Variants in ZFR2 observed in about 807,000 individuals in gnomAD.
ZFR2 encodes the protein zinc finger RNA binding protein 2.
ZFR2 carries 104 observed loss-of-function variants against 105.7 expected under a neutral mutation model. That is an observed-to-expected ratio of 0.98 (90% CI 0.84 to 1.16). ZFR2 has a LOEUF of 1.16. Ranked by LOEUF, ZFR2 falls within the 50% of genes most tolerant of loss-of-function variation. The probability of loss-of-function intolerance (pLI) is 0.00; values close to 1 mark genes in which losing one functional copy is unlikely to be tolerated. For missense variants in ZFR2, 1,425 were observed against 1,355.5 expected (o/e 1.05, Z -0.80); for synonymous variants, 634 against 597.7 (o/e 1.06, Z -0.89).
intron 1 of ZFR2, among the ~76,000 whole-genome samples, chr19:3,835,413 C>T (rs1214324899): frequency 1.3e-5 from 2 of 151,938 alleles, no homozygotes; most frequent in Non-Finnish European, 2.9e-5. Flanking sequence ...GCAACCTCCG[C>T]CTCCCAGGTT....
At chr19:3,807,748 G>GTC in intron 17 of ZFR2, among the ~76,000 whole-genome samples, 2 of 150,722 alleles carry the variant, frequency 1.3e-5, no homozygotes, top group African/African-American at 4.9e-5. Flanking sequence ...ATGTGTGCCT[G>GTC]TGCATGCATG....
rs139773278 is a variant in ZFR2 at position 3,837,641 on chromosome 19, G to A, written c.54-2658C>T. ...GAACTTGATGAACACCATGACTATG[G>A]GACACCCGATGAACACCATGACCGT... On this transcript the variant is annotated intron_variant, in intron 1 of 18. Transcript: ENST00000262961. 6.3e-5 allele frequency among the ~76,000 whole-genome samples: 9 copies of A among 141,950 alleles called. No individual in the cohort carries two copies. In the South Asian group the frequency reaches 1.1e-3, roughly 18 times the overall value. 93.1% of individuals were successfully genotyped at this position (141,950 alleles called of 152,430 possible). A position where few individuals can be genotyped will look rare whatever the true frequency, so the allele number is the denominator to read the frequency against.
chr19:3,841,577 C>T (rs185739759), intron 1 of ZFR2, among the ~76,000 whole-genome samples: 12 of 151,982 alleles, frequency 7.9e-5, no homozygotes, highest in African/African-American at 2.9e-4. Context: ...CCCAGCTACT[C>T]GGGAGGCTGA....
chr19:3,840,899 T>C (rs1459309149), intron 1 of ZFR2, among the ~76,000 whole-genome samples: 1 of 152,166 alleles, frequency 6.6e-6, no homozygotes, highest in African/African-American at 2.4e-5. Flanking sequence ...TCAGTTAATT[T>C]AGATTTTGAT....
Position 3,834,912 on chromosome 19 carries a change from T to C in ZFR2, c.125A>G (p.Asp42Gly), listed in dbSNP as rs919798018. ...GGGAAAGGCCGGGTTCACGGCAGGG[T>C]CCATCCCAGGAGTGGGTTGTGCAGT... ...SYTAQPTPGM[D>G]PAVNPAFPPA... The change falls in exon 2 of 19, where the codon GAC becomes GGC. Residue 42 changes from aspartate to glycine, a missense_variant. Asp to Gly is a moderately conservative substitution (Grantham distance 94). Coordinates refer to ENST00000262961, the MANE Select transcript of ZFR2 (RefSeq NM_015174.2). The surrounding 1 kb of genome is among the most constrained non-coding windows in gnomAD (Gnocchi z 5.3). 1.9e-6 allele frequency: 3 copies of C among 1,611,550 alleles called. No individual in the cohort carries two copies. Among genetic ancestry groups the C allele is most frequent in the Non-Finnish European group, 2.5e-6 (3 of 1,179,078 alleles).
rs1482394753 is a variant in ZFR2, at chr19:3,831,292, G to A, written c.852+11C>T. 2.0e-6 allele frequency: 3 copies of A among 1,509,876 alleles called. No individual in the cohort carries two copies. The highest frequency in any genetic ancestry group is 1.7e-4 in the Middle Eastern group (1 of 5,746). The allele number at this position is 1,509,876 out of a possible 1,614,324, so 93.5% of individuals were successfully genotyped here. The stretch of plus-strand genomic sequence containing the variant: ...TCCCTGGGGCCTGCCCATGGCAGGA[G>A]GGCGACTGACCTGGGGGCCAGCGCA... On this transcript the variant is annotated intron_variant, in intron 5 of 18. Transcript: ENST00000262961.
Position 3,830,947 on chromosome 19 carries a change from G to A in ZFR2, c.852+356C>T, listed in dbSNP as rs1251455794. Among the ~76,000 whole-genome samples the A allele has an allele frequency of 2.7e-5, 4 of 150,734 alleles. No individual in the cohort carries two copies. The Admixed American group carries it at 2.7e-4, about 10-fold the overall frequency. ...CACATACACATGCAGGCATACATGC[G>A]CACACATACACACACGCACACACAT... On this transcript the variant is annotated intron_variant, in intron 5 of 18. Coordinates refer to ENST00000262961, the MANE Select transcript of ZFR2 (RefSeq NM_015174.2).
chr19:3,812,442 G>C (rs1050709883), intron 14 of ZFR2, among the ~76,000 whole-genome samples: 2 of 152,062 alleles, frequency 1.3e-5, no homozygotes, highest in Non-Finnish European at 2.9e-5. Flanking sequence ...GGAAGCGGGG[G>C]CAGGAAAAGG....
At chr19:3,868,854 G>C (rs1219415001) in intron 1 of ZFR2, 111 bp downstream of exon 1, 1 of 930,082 alleles carries the variant, frequency 1.1e-6, no homozygotes, top group Non-Finnish European at 1.4e-6. Context: ...TCCAGGTTGG[G>C]GCTGGGACTG....
At chr19:3,817,042 G>A (rs1442899623) in intron 12 of ZFR2, among the ~76,000 whole-genome samples, 197 bp from the exon 13 acceptor site, 3 of 152,186 alleles carry the variant, frequency 2.0e-5, no homozygotes, top group Admixed American at 1.3e-4. Flanking sequence ...GATCGATCTC[G>A]GAGGTGCTGT....
intron 1 of ZFR2, among the ~76,000 whole-genome samples, chr19:3,836,966 G>C (rs754814624): frequency 2.0e-5 from 3 of 152,182 alleles, no homozygotes; most frequent in Non-Finnish European, 2.9e-5. Flanking sequence ...AAGGAGCAAG[G>C]TATGAGGGTC....
chr19:3,831,001 ACAGGCACATG>A (rs2038007324), intron 5 of ZFR2, among the ~76,000 whole-genome samples: 1 of 151,894 alleles, frequency 6.6e-6, no homozygotes, highest in Admixed American at 6.6e-5. Flanking sequence ...GCTTGCACAC[ACAGGCACATG>A]CAGGCACACA....
In ZFR2 at chr19:3,813,894, C is replaced by T. The variant is rs369123821; in HGVS notation, c.2168G>A (p.Cys723Tyr). 3 of 1,613,962 alleles carry T rather than the reference C, an allele frequency of 1.9e-6. No homozygotes were observed. Among genetic ancestry groups the T allele is most frequent in the East Asian group, 2.2e-5 (1 of 44,892 alleles). The change falls in exon 14 of 19, where the codon TGT becomes TAT. Residue 723 changes from cysteine (C) to tyrosine (Y), a missense_variant. Physicochemically the swap from Cys to Tyr is radical, Grantham distance 194 (BLOSUM62 -2). Transcript: ENST00000262961. The surrounding 1 kb of genome is among the most constrained non-coding windows in gnomAD (Gnocchi z 4.4). The part of the protein sequence containing the change: ...DPEANIVISS[C>Y]EEPRMQVTIS... ...GGTGACCTGCATCCTGGGCTCCTCA[C>T]AGGAGGAGATGACAATGTTGGCTTC... is the stretch of plus-strand genomic sequence containing the variant.
chr19:3,820,042 G>A, intron 11 of ZFR2, 140 bp downstream of exon 11: 1 of 788,786 alleles, frequency 1.3e-6, no homozygotes, highest in Non-Finnish European at 2.0e-6. Context: ...TCTGTGGAGT[G>A]AGGAGGCCTG....
intron 17 of ZFR2, 116 bp downstream of exon 17, chr19:3,808,756 G>T: frequency 1.1e-6 from 1 of 883,790 alleles, no homozygotes; most frequent in Non-Finnish European, 1.7e-6. Flanking sequence ...CCGCACTCCT[G>T]CCTGGGCTGG....
intron 14 of ZFR2, among the ~76,000 whole-genome samples, chr19:3,811,850 T>C (rs891029658): frequency 2.6e-5 from 4 of 152,172 alleles, no homozygotes; most frequent in Non-Finnish European, 5.9e-5. Context: ...AACCTCGAAC[T>C]CCTGGGCTCA....
intron 10 of ZFR2, among the ~76,000 whole-genome samples, chr19:3,820,757 A>G (rs1029104808): frequency 6.8e-6 from 1 of 146,918 alleles, no homozygotes; most frequent in Non-Finnish European, 1.5e-5. Flanking sequence ...AGACACAGGA[A>G]CACCAGGGGA....
intron 6 of ZFR2, among the ~76,000 whole-genome samples, chr19:3,826,414 C>T (rs750572373): frequency 1.3e-4 from 19 of 151,762 alleles, no homozygotes; most frequent in Non-Finnish European, 2.2e-4. Flanking sequence ...CCCTCCCCGC[C>T]GAACATGACG....
chr19:3,806,581 G>A (rs774053880), intron 18 of ZFR2, among the ~76,000 whole-genome samples: 9 of 152,182 alleles, frequency 5.9e-5, no homozygotes, highest in Non-Finnish European at 1.2e-4. Flanking sequence ...TTACGACTGC[G>A]GAGCTTGGGT....
Sources: gnomAD v4.1 joint callset for allele counts (sites outside exome capture counted in the v4.1 genomes callset) on GRCh38, gnomAD v4.1.1 for gene constraint, Gnocchi (gnomAD v3.1) non-coding constraint, MANE v1.5 for transcripts, NCBI Gene and HGNC (gene_info 2026-07-23, HGNC 2026-07-21) for gene names.